DNAH5: variants seen among roughly 807,000 people sequenced by gnomAD.
DNAH5 encodes the protein axonemal beta dynein heavy chain 5.
Under a neutral mutation model 518.2 loss-of-function variants are expected in DNAH5, and 372 were observed. The ratio of observed to expected loss-of-function variants is 0.72; its 90% CI spans 0.66 to 0.78. The LOEUF is 0.78. Among genes scored for constraint, DNAH5 ranks in the 30% least tolerant of loss-of-function variants. DNAH5 has a pLI of 0.00. For synonymous variants in DNAH5, 2,039 were observed against 2,025.9 expected, an observed-to-expected ratio of 1.01 and a Z score of -0.17; for missense variants, 5,523 against 5,687.0, an observed-to-expected ratio of 0.97 and a Z score of 0.93.
Position 13,770,712 on chromosome 5 carries a change from G to A in DNAH5, c.9605+37C>T, listed in dbSNP as rs763492789. On this transcript the variant is annotated intron_variant, in intron 56 of 78. Transcript: ENST00000265104. The stretch of plus-strand genomic sequence containing the variant: ...AATCTGTCCCTGGTTGAGAGCCACG[G>A]CTTTAATATAGCTTTGTATAAGAAC... The A allele has an allele frequency of 2.5e-6, 4 of 1,584,842 alleles. No homozygotes were observed. In the South Asian group the frequency reaches 3.3e-5, roughly 13 times the overall value.
Position 13,792,215 on chromosome 5 carries a change from C to T in DNAH5, c.8227G>A (p.Val2743Met), listed in dbSNP as rs1220703696. ...SEASVDKIFG[V>M]IGVGHYCTQR... ...GTACAGTAGTGGCCTACCCCAATCA[C>T]ACCTGAAAAGGGGGAAATTACAGCA... Residue 2743 changes from valine (V) to methionine (M), a missense_variant and splice_region_variant, in exon 50 of 79, where the codon GTG becomes ATG. By Grantham distance (21) the Val-to-Met change is conservative. Coordinates refer to ENST00000265104, the MANE Select transcript of DNAH5 (RefSeq NM_001369.3). The T allele has an allele frequency of 1.9e-6, 3 of 1,612,622 alleles. No individual in the cohort carries two copies. The highest frequency in any genetic ancestry group is 2.2e-5 in the East Asian group (1 of 44,876).
chr5:13,701,494 C>T (rs373428491), intron 76 of DNAH5, 58 bp from the exon 77 acceptor site: 1 of 1,411,946 alleles, frequency 7.1e-7, no homozygotes, highest in Non-Finnish European at 9.8e-7. Flanking sequence ...CAGTGTAAAC[C>T]AGCTATGTTC....
At chr5:13,718,029 A>AT (rs1236574544) in intron 72 of DNAH5, among the ~76,000 whole-genome samples, 2 of 151,866 alleles carry the variant, frequency 1.3e-5, no homozygotes, top group African/African-American at 4.8e-5. Context: ...TTATTTATTT[A>AT]TTTTTTACTG....
At chr5:13,953,399 C>T (rs777661486) in intron 1 of DNAH5, among the ~76,000 whole-genome samples, 1 of 152,160 alleles carries the variant, frequency 6.6e-6, no homozygotes, top group Non-Finnish European at 1.5e-5. Flanking sequence ...AACTCTTCTA[C>T]TAGAAACAGT....
chr5:13,713,402 T>G (rs1396953547), intron 75 of DNAH5, among the ~76,000 whole-genome samples: 1 of 125,324 alleles, frequency 8.0e-6, no homozygotes, highest in Non-Finnish European at 1.7e-5. Flanking sequence ...CTGACATATA[T>G]ATATACACCG....
At chr5:13,950,784 C>T (rs914541908) in intron 1 of DNAH5, among the ~76,000 whole-genome samples, 9 of 152,080 alleles carry the variant, frequency 5.9e-5, no homozygotes, top group Admixed American at 3.9e-4. Flanking sequence ...CAGATAGTAT[C>T]GCCTAGCTTG....
At chr5:13,989,398 C>T (rs1783332495) in intron 1 of DNAH5, among the ~76,000 whole-genome samples, 1 of 150,908 alleles carries the variant, frequency 6.6e-6, no homozygotes, top group Admixed American at 6.6e-5. Flanking sequence ...AAAAAAAATC[C>T]GGTCCCAAAA....
chr5:13,989,320 CATA>C (rs1464326343), intron 1 of DNAH5, among the ~76,000 whole-genome samples: 8 of 150,626 alleles, frequency 5.3e-5, no homozygotes, highest in Non-Finnish European at 1.0e-4. Flanking sequence ...TCTATGCAGC[CATA>C]AAAATGGTTT....
intron 47 of DNAH5, among the ~76,000 whole-genome samples, chr5:13,794,573 C>G (rs1473998284): frequency 6.6e-6 from 1 of 151,936 alleles, no homozygotes. Context: ...ATTCTCATTC[C>G]CTGACACAGA....
chr5:13,984,018 T>C (rs1178058422), intron 1 of DNAH5, among the ~76,000 whole-genome samples: 1 of 152,074 alleles, frequency 6.6e-6, no homozygotes, highest in Non-Finnish European at 1.5e-5. Flanking sequence ...GATTTACAAA[T>C]GGAGAGATTA....
At chr5:13,829,398 C>A in intron 38 of DNAH5, 112 bp downstream of exon 38, 1 of 1,057,696 alleles carries the variant, frequency 9.5e-7, no homozygotes, top group Non-Finnish European at 1.4e-6. Flanking sequence ...TACTCAGTGT[C>A]AATAAAATCC....
intron 38 of DNAH5, among the ~76,000 whole-genome samples, chr5:13,828,131 C>CA (rs1236297120): frequency 6.6e-6 from 1 of 152,130 alleles, no homozygotes; most frequent in East Asian, 1.9e-4. Context: ...TGTTGGGAGA[C>CA]AAAATGTTAG....
chr5:13,849,508 T>TCC (rs967409811), intron 31 of DNAH5, among the ~76,000 whole-genome samples: 12 of 152,166 alleles, frequency 7.9e-5, no homozygotes, highest in Admixed American at 2.0e-4. Context: ...ACGTAATGTC[T>TCC]CCCCAGGTAA....
In DNAH5 at chr5:13,713,458, T is replaced by TACATCGAC. The variant is rs1561094409; in HGVS notation, c.13125+946_13125+947insGTCGATGT. Among the ~76,000 whole-genome samples the TACATCGAC allele has an allele frequency of 6.1e-5, 8 of 132,188 alleles. No individual in the cohort carries two copies. In the East Asian group the frequency reaches 1.9e-3, roughly 31 times the overall value. 86.7% of individuals were successfully genotyped at this position (132,188 alleles called of 152,430 possible). ...ACATATATATATATATATATATATA[T>TACATCGAC]ATATATATACACACACCGATATATA... is the stretch of plus-strand genomic sequence containing the variant. On this transcript the variant is annotated intron_variant, in intron 75 of 78. Coordinates refer to ENST00000265104, the MANE Select transcript of DNAH5 (RefSeq NM_001369.3).
chr5:13,989,022 TG>T (rs1390234748), intron 1 of DNAH5, among the ~76,000 whole-genome samples: 1 of 152,042 alleles, frequency 6.6e-6, no homozygotes, highest in East Asian at 1.9e-4. Flanking sequence ...CCACCGCACC[TG>T]GCCCAAAAAG....
chr5:13,940,213 T>TA (rs1779337975), intron 1 of DNAH5, among the ~76,000 whole-genome samples: 2 of 152,060 alleles, frequency 1.3e-5, no homozygotes, highest in African/African-American at 4.8e-5. Flanking sequence ...AATTCTAACT[T>TA]AGAGTCTGTT....
At chr5:13,765,912 A>C in intron 59 of DNAH5, 64 bp downstream of exon 59, 1 of 1,482,444 alleles carries the variant, frequency 6.7e-7, no homozygotes, top group Non-Finnish European at 9.4e-7. Flanking sequence ...TTATTCTACG[A>C]AAAGGACTCA....
intron 3 of DNAH5, among the ~76,000 whole-genome samples, chr5:13,924,844 T>C (rs1392189816): frequency 1.3e-5 from 2 of 152,192 alleles, no homozygotes; most frequent in African/African-American, 4.8e-5. Flanking sequence ...ATGTGGCTCA[T>C]TGAGTAGATA....
At chr5:13,794,302 G>A (rs567896083) in intron 47 of DNAH5, among the ~76,000 whole-genome samples, 4 of 152,316 alleles carry the variant, frequency 2.6e-5, no homozygotes, top group African/African-American at 9.6e-5. Context: ...GAATTTGAAT[G>A]GGATGAGACT....
Sources: allele counts gnomAD v4.1 joint callset (sites outside exome capture counted in the v4.1 genomes callset), GRCh38; gene constraint gnomAD v4.1.1; transcripts MANE v1.5; gene names NCBI Gene and HGNC (gene_info 2026-07-23, HGNC 2026-07-21).